The following TMC1 variants were observed in gnomAD, a reference collection of about 807,000 sequenced individuals.
The protein encoded by TMC1 is transmembrane channel like 1.
A neutral mutation model predicts 105.8 loss-of-function variants in TMC1; 84 were observed. That is an observed-to-expected ratio of 0.79 (90% CI 0.67 to 0.95). The LOEUF is 0.95. Ranked by LOEUF, TMC1 falls within the 40% of genes least tolerant of loss-of-function variation. The pLI, the probability that TMC1 is intolerant of heterozygous loss-of-function variation, is 0.00. For synonymous variants in TMC1, 315 were observed against 311.5 expected (o/e 1.01, Z -0.12); for missense variants, 817 against 914.1 (o/e 0.89, Z 1.37).
intron 4 of TMC1, among the ~76,000 whole-genome samples, chr9:72,640,018 A>G (rs1825599285): frequency 6.6e-6 from 1 of 152,252 alleles, no homozygotes; most frequent in Admixed American, 6.5e-5. Context: ...TAGTATTAAT[A>G]AAACATATTT....
intron 17 of TMC1, 98 bp from the exon 18 acceptor site, chr9:72,805,284 A>G (rs1212561314): frequency 1.4e-6 from 2 of 1,380,726 alleles, no homozygotes; most frequent in South Asian, 1.2e-5. Flanking sequence ...TGCAGTCTTC[A>G]AGCCAATACT....
At chr9:72,724,646 T>C (rs1302410275) in intron 8 of TMC1, among the ~76,000 whole-genome samples, 2 of 152,174 alleles carry the variant, frequency 1.3e-5, no homozygotes, top group African/African-American at 4.8e-5. Context: ...TAAATCATGG[T>C]TACTATTATC....
chr9:72,529,717 A>G lies in TMC1; in HGVS notation c.-428+7804A>G, dbSNP rs182784435. Among the ~76,000 whole-genome samples the G allele has an allele frequency of 2.0e-5, 3 of 152,164 alleles. No individual in the cohort carries two copies. In the East Asian group the frequency reaches 5.8e-4, roughly 29 times the overall value. ...CAGTGGTTTTCACTGCCTTTGGGAA[A>G]AAGTGACACAGCAAAACACTTAGAA... On this transcript the variant is annotated intron_variant, in intron 1 of 23. Coordinates refer to ENST00000297784, the MANE Select transcript of TMC1 (RefSeq NM_138691.3).
chr9:72,716,766 G>A (rs2871447), intron 8 of TMC1, among the ~76,000 whole-genome samples: 13,542 of 152,178 alleles, frequency 0.089, 656 homozygotes, highest in African/African-American at 0.11. Context: ...TTCCAGGGGC[G>A]TGAATGGTTC....
intron 18 of TMC1, among the ~76,000 whole-genome samples, chr9:72,814,670 G>T (rs940137459): frequency 3.3e-5 from 5 of 152,256 alleles, no homozygotes; most frequent in Middle Eastern, 3.4e-3. Context: ...CCCTGAATCT[G>T]TTACAAGGGA....
chr9:72,649,622 GA>G (rs1208917791), intron 5 of TMC1, among the ~76,000 whole-genome samples: 4 of 151,988 alleles, frequency 2.6e-5, no homozygotes, highest in Non-Finnish European at 4.4e-5. Flanking sequence ...CATTGCTTTT[GA>G]AAAAACAAAA....
At chr9:72,768,987 A>C (rs1273606753) in intron 12 of TMC1, among the ~76,000 whole-genome samples, 1 of 152,212 alleles carries the variant, frequency 6.6e-6, no homozygotes. Context: ...TGATGGGTTC[A>C]TAGAGTTTCT....
At chr9:72,561,243 G>A (rs56263522) in intron 1 of TMC1, among the ~76,000 whole-genome samples, 18,656 of 150,696 alleles carry the variant, frequency 0.12, 1,334 homozygotes, top group Non-Finnish European at 0.17. Context: ...GCGTGAACCC[G>A]GGAGGCACAG....
At position 72,554,321 on chromosome 9, in the gene TMC1, A is replaced by G. The variant is rs112219005; in HGVS notation, c.-427-23581A>G. Among the ~76,000 whole-genome samples, 1,197 of 152,274 alleles carry G rather than the reference A, an allele frequency of 7.9e-3. 23 individuals carry two copies. The highest frequency in any genetic ancestry group is 0.027 in the African/African-American group (1,126 of 41,570). ...CTACTTCTAGATCCAGCGTTGTTCC[A>G]GCTTACTGAGCATTCCAGAGGGCTA... is the stretch of plus-strand genomic sequence containing the variant. On this transcript the variant is annotated intron_variant, in intron 1 of 23. Coordinates refer to ENST00000297784, the MANE Select transcript of TMC1 (RefSeq NM_138691.3).
intron 17 of TMC1, among the ~76,000 whole-genome samples, chr9:72,804,491 A>G (rs1043547473): frequency 6.6e-6 from 1 of 152,248 alleles, no homozygotes; most frequent in Non-Finnish European, 1.5e-5. Context: ...AGGGGCTTAC[A>G]ATATACCATT....
chr9:72,529,959 A>G (rs1252286568), intron 1 of TMC1, among the ~76,000 whole-genome samples: 1 of 152,140 alleles, frequency 6.6e-6, no homozygotes, highest in African/African-American at 2.4e-5. Flanking sequence ...CCTCTCTAAT[A>G]GATTTTGTCA....
At chr9:72,812,524 A>T (rs1450165848) in intron 18 of TMC1, among the ~76,000 whole-genome samples, 6 of 152,226 alleles carry the variant, frequency 3.9e-5, no homozygotes, top group African/African-American at 2.4e-5. Flanking sequence ...GTCCTAGATC[A>T]GTGCTTCTGG....
intron 1 of TMC1, among the ~76,000 whole-genome samples, chr9:72,576,936 C>G (rs192197204): frequency 1.3e-5 from 2 of 152,204 alleles, no homozygotes; most frequent in Admixed American, 6.5e-5. Context: ...GTGCCCTGGA[C>G]TCCCAATTTC....
At chr9:72,806,871 G>C (rs1053990594) in intron 18 of TMC1, among the ~76,000 whole-genome samples, 27 of 152,244 alleles carry the variant, frequency 1.8e-4, no homozygotes, top group Non-Finnish European at 3.4e-4. Flanking sequence ...TGGCAGCCGA[G>C]CAGAGGCTGC....
intron 10 of TMC1, among the ~76,000 whole-genome samples, chr9:72,743,888 A>T (rs758811133): frequency 6.6e-6 from 1 of 152,244 alleles, no homozygotes; most frequent in Non-Finnish European, 1.5e-5. Context: ...AACAATTTTG[A>T]GCACAATCTT....
At chr9:72,799,180 G>T (rs1034531499) in intron 17 of TMC1, among the ~76,000 whole-genome samples, 3 of 152,002 alleles carry the variant, frequency 2.0e-5, no homozygotes, top group Non-Finnish European at 2.9e-5. Flanking sequence ...TATTCCTAAC[G>T]TGCAGTCCAT....
At chr9:72,686,275 C>A (rs1460239296) in intron 5 of TMC1, among the ~76,000 whole-genome samples, 1 of 152,132 alleles carries the variant, frequency 6.6e-6, no homozygotes, top group Non-Finnish European at 1.5e-5. Flanking sequence ...TGGGGAGCAG[C>A]TGAGGCATGA....
intron 4 of TMC1, among the ~76,000 whole-genome samples, chr9:72,644,811 T>C (rs139498350): frequency 1.3e-5 from 2 of 152,322 alleles, no homozygotes; most frequent in East Asian, 3.9e-4. Flanking sequence ...CAAAATTCTT[T>C]TGCATCAAAG....
At chr9:72,607,565 G>A (rs571990421) in intron 2 of TMC1, among the ~76,000 whole-genome samples, 4 of 149,300 alleles carry the variant, frequency 2.7e-5, no homozygotes, top group Non-Finnish European at 4.4e-5. Context: ...GCAGTGAGCC[G>A]AGATCGCGCC....
Sources: allele counts gnomAD v4.1 joint callset (sites outside exome capture counted in the v4.1 genomes callset), GRCh38; gene constraint gnomAD v4.1.1; transcripts MANE v1.5; gene names NCBI Gene and HGNC (gene_info 2026-07-23, HGNC 2026-07-21).